SESTD1: variants seen among roughly 807,000 people sequenced by gnomAD.
SESTD1 encodes SEC14 and spectrin domain containing 1.
SESTD1 carries 43 observed loss-of-function variants against 101.7 expected under a neutral mutation model. The observed-to-expected ratio is 0.42, with a 90% CI of 0.33 to 0.55. The LOEUF (loss-of-function observed/expected upper bound fraction) is 0.55, where lower values mean the gene tolerates loss of function less well. Among genes scored for constraint, SESTD1 ranks in the 20% least tolerant of loss-of-function variants. The probability of loss-of-function intolerance (pLI) is 0.07; values close to 1 mark genes in which losing one functional copy is unlikely to be tolerated. For synonymous variants in SESTD1, 283 were observed against 286.8 expected (o/e 0.99, Z 0.13); for missense variants, 647 against 815.1 (o/e 0.79, Z 2.51).
In SESTD1 at chr2:179,206,943, C is replaced by G; in HGVS notation, c.-25-15077G>C. On this transcript the variant is annotated intron_variant, in intron 1 of 17. Coordinates refer to ENST00000428443, the MANE Select transcript of SESTD1 (RefSeq NM_178123.5). The stretch of plus-strand genomic sequence containing the variant: ...CCTGTCACTGCTGGCTTTTCCACTT[C>G]CCTGGTGATCTATATGATGCAGCAG... Among the ~76,000 whole-genome samples, 2 of 133,500 alleles carry G rather than the reference C, an allele frequency of 1.5e-5. 1 individual carries two copies. The highest frequency in any genetic ancestry group is 3.2e-5 in the Non-Finnish European group (2 of 62,402). The allele number at this position is 133,500 out of a possible 152,430, so 87.6% of individuals were successfully genotyped here. A position where few individuals can be genotyped will look rare whatever the true frequency, so the allele number is the denominator to read the frequency against.
At chr2:179,184,491 A>C (rs1412701024) in intron 2 of SESTD1, among the ~76,000 whole-genome samples, 1 of 152,066 alleles carries the variant, frequency 6.6e-6, no homozygotes, top group East Asian at 1.9e-4. Context: ...ATCTAAGGTG[A>C]TTCAACTTAG....
intron 1 of SESTD1, among the ~76,000 whole-genome samples, chr2:179,220,940 G>T (rs1204058932): frequency 6.6e-6 from 1 of 152,102 alleles, no homozygotes; most frequent in East Asian, 1.9e-4. Context: ...TCGGAACAGA[G>T]GTTCAGATGT....
At position 179,153,921 on chromosome 2, in the gene SESTD1, T is replaced by C. The variant is rs145409979; in HGVS notation, c.370-2530A>G. Among the ~76,000 whole-genome samples the C allele has an allele frequency of 3.7e-3, 564 of 152,024 alleles. 6 individuals are homozygous for C. The highest frequency in any genetic ancestry group is 0.013 in the African/African-American group (532 of 41,478). On this transcript the variant is annotated intron_variant, in intron 5 of 17. Coordinates refer to ENST00000428443, the MANE Select transcript of SESTD1 (RefSeq NM_178123.5). ...ACTGACACAAAAGAAATAATCACCA[T>C]TGGACTAAGCTAGAGAACACACTTA...
chr2:179,143,820 T>C lies in SESTD1; in HGVS notation c.638-17A>G, dbSNP rs774022877. ...ATTCATGCCCTTTACAAATAAAAGA[T>C]ACTTGAAATTAATATCTGTAAAGAA... On this transcript the variant is annotated splice_polypyrimidine_tract_variant and intron_variant, in intron 8 of 17. Transcript: ENST00000428443. The C allele has an allele frequency of 6.2e-7, 1 of 1,607,000 alleles. No homozygotes were observed. Among genetic ancestry groups the C allele is most frequent in the Non-Finnish European group, 8.5e-7 (1 of 1,177,570 alleles).
Position 179,106,150 on chromosome 2 carries a change from G to T in SESTD1, c.*3749C>A, listed in dbSNP as rs917898026. ...TTCCAGCCATGTTTTTAATGCTAGA[G>T]AATTTTTCCTTTGGGGGCTTAAGCA... On this transcript the variant is annotated 3_prime_UTR_variant, in exon 18 of 18. Coordinates refer to ENST00000428443, the MANE Select transcript of SESTD1 (RefSeq NM_178123.5). The T allele has an allele frequency of 2.2e-4, 34 of 152,068 alleles. No individual in the cohort carries two copies. The highest frequency in any genetic ancestry group is 4.4e-5 in the Non-Finnish European group (3 of 68,012). The allele number at this position is 152,068 out of a possible 1,614,324, so 9.4% of individuals were successfully genotyped here.
Position 179,166,705 on chromosome 2 carries a change from G to T in SESTD1, c.369+5415C>A, listed in dbSNP as rs1480407561. Among the ~76,000 whole-genome samples, 3 of 152,256 alleles carry T rather than the reference G, an allele frequency of 2.0e-5. No individual in the cohort carries two copies. In the East Asian group the frequency reaches 5.8e-4, roughly 29 times the overall value. The stretch of plus-strand genomic sequence containing the variant: ...CAGAAAGACTTTCTCTGAGGCGCAG[G>T]TACAAAGGAAAGACCTAGAGCAGAG... On this transcript the variant is annotated intron_variant, in intron 5 of 17. Transcript: ENST00000428443.
At chr2:179,111,307 T>C (rs577487938) in intron 17 of SESTD1, among the ~76,000 whole-genome samples, 7 of 152,366 alleles carry the variant, frequency 4.6e-5, no homozygotes, top group Admixed American at 2.6e-4. Context: ...AATGCCATCT[T>C]TTCAATATCA....
chr2:179,163,928 A>G (rs13404037), intron 5 of SESTD1, among the ~76,000 whole-genome samples: 1 of 152,096 alleles, frequency 6.6e-6, no homozygotes, highest in Admixed American at 6.5e-5. Context: ...TGTAACTATA[A>G]TACTTATCCT....
chr2:179,185,885 CATATACAATATAGTATATT>C (rs1222279409), intron 2 of SESTD1, among the ~76,000 whole-genome samples: 7 of 129,584 alleles, frequency 5.4e-5, no homozygotes, highest in African/African-American at 2.0e-4. Flanking sequence ...TATAATATAG[CATATACAATATAGTATATT>C]ATATACAATA....
intron 1 of SESTD1, among the ~76,000 whole-genome samples, chr2:179,246,539 C>A (rs942700153): frequency 1.6e-4 from 24 of 152,124 alleles, no homozygotes; most frequent in Admixed American, 1.4e-3. Flanking sequence ...CGAACAACTA[C>A]ACAGAAAATC....
Position 179,115,190 on chromosome 2 carries a change from T to G in SESTD1, c.1714A>C (p.Thr572Pro). ...TVVLCQSLRCTSRSSGDTLPR... is the reference protein window; with the variant it reads ...TVVLCQSLRCPSRSSGDTLPR... ...AGTGTATCCCCAGATGACCGAGAAG[T>G]GCAGCGCAAAGATTGGCATAACACA... The change falls in exon 16 of 18, where the codon ACT becomes CCT. Residue 572 changes from threonine to proline, a missense_variant. Transcript: ENST00000428443. 6.2e-7 allele frequency: 1 copy of G among 1,613,636 alleles called. No homozygotes were observed. The highest frequency in any genetic ancestry group is 8.5e-7 in the Non-Finnish European group (1 of 1,179,894).
intron 9 of SESTD1, among the ~76,000 whole-genome samples, chr2:179,142,630 T>C (rs2045304918): frequency 6.6e-6 from 1 of 152,210 alleles, no homozygotes; most frequent in African/African-American, 2.4e-5. Context: ...TGATTTACCA[T>C]GCTACTCTTC....
chr2:179,140,709 A>T (rs924150342), intron 9 of SESTD1, among the ~76,000 whole-genome samples: 2 of 151,994 alleles, frequency 1.3e-5, no homozygotes, highest in Admixed American at 1.3e-4. Flanking sequence ...CCTCCCTTTC[A>T]TTCCTGAATT....
intron 5 of SESTD1, among the ~76,000 whole-genome samples, chr2:179,166,107 A>T (rs935205741): frequency 6.6e-6 from 1 of 152,194 alleles, no homozygotes; most frequent in South Asian, 2.1e-4. Flanking sequence ...TAAAATTTTT[A>T]ATGAATCACT....
intron 4 of SESTD1, among the ~76,000 whole-genome samples, chr2:179,172,526 T>C (rs2045945196): frequency 6.6e-6 from 1 of 152,204 alleles, no homozygotes; most frequent in Non-Finnish European, 1.5e-5. Flanking sequence ...GCTTAAACTG[T>C]AAGAGTTAAT....
At chr2:179,128,988 G>A (rs2044947349) in intron 10 of SESTD1, among the ~76,000 whole-genome samples, 1 of 152,200 alleles carries the variant, frequency 6.6e-6, no homozygotes, top group African/African-American at 2.4e-5. Context: ...TGTTGGCAGT[G>A]ACGCATACTT....
chr2:179,225,658 G>C (rs1233876671), intron 1 of SESTD1, among the ~76,000 whole-genome samples: 3 of 152,140 alleles, frequency 2.0e-5, no homozygotes, highest in Non-Finnish European at 2.9e-5. Context: ...GTTCCTCATA[G>C]ATGGTATCGT....
At chr2:179,186,684 ATTTTTT>A (rs35153936) in intron 2 of SESTD1, among the ~76,000 whole-genome samples, 1 of 118,688 alleles carries the variant, frequency 8.4e-6, no homozygotes, top group African/African-American at 3.2e-5. Context: ...TTTTCAGGGA[ATTTTTT>A]TTTTTTTTTT....
At chr2:179,177,804 C>A (rs1474296786) in intron 3 of SESTD1, among the ~76,000 whole-genome samples, 2 of 152,220 alleles carry the variant, frequency 1.3e-5, no homozygotes, top group East Asian at 3.9e-4. Flanking sequence ...CAAATGTCCA[C>A]CAACTAATGA....
Sources: gnomAD v4.1 joint callset for allele counts (sites outside exome capture counted in the v4.1 genomes callset) on GRCh38, gnomAD v4.1.1 for gene constraint, MANE v1.5 for transcripts, NCBI Gene and HGNC (gene_info 2026-07-23, HGNC 2026-07-21) for gene names.